Variants in PDE12 observed in about 807,000 individuals in gnomAD.
PDE12 encodes the protein 2',5'-phosphodiesterase 12.
PDE12 carries 26 observed loss-of-function variants against 45.4 expected under a neutral mutation model. The ratio of observed to expected loss-of-function variants is 0.57; its 90% confidence interval spans 0.42 to 0.79. The LOEUF (loss-of-function observed/expected upper bound fraction) is 0.79, where lower values mean the gene tolerates loss of function less well. PDE12 is among the 30% of genes least tolerant of loss of function. The pLI is 0.00. For missense variants in PDE12, 668 were observed against 790.0 expected (o/e 0.85, Z 1.85); for synonymous variants, 283 against 323.9 (o/e 0.87, Z 1.36).
chr3:57,632,306 G>A, the PDE12 span, among the ~76,000 whole-genome samples: 3 of 151,756 alleles, frequency 2.0e-5, no homozygotes, highest in South Asian at 2.1e-4. Flanking sequence ...TTACAGACGT[G>A]AGCCACCACG....
chr3:57,605,440 AT>A, the PDE12 span, among the ~76,000 whole-genome samples: 1 of 152,162 alleles, frequency 6.6e-6, no homozygotes, highest in African/African-American at 2.4e-5. Context: ...AATCAGCCAG[AT>A]TGAAAAAAAC....
chr3:57,617,997 C>G, the PDE12 span, among the ~76,000 whole-genome samples: 1 of 152,106 alleles, frequency 6.6e-6, no homozygotes, highest in South Asian at 2.1e-4. Flanking sequence ...GTGGATGCAG[C>G]TGGAGGCCAT....
At chr3:57,575,480 T>C in the PDE12 span, 1 of 1,454,820 alleles carries the variant, frequency 6.9e-7, no homozygotes. Context: ...AAACTGAATA[T>C]TAGCTTACAC....
chr3:57,582,703 T>G, the PDE12 span, among the ~76,000 whole-genome samples: 1 of 148,196 alleles, frequency 6.7e-6, no homozygotes, highest in Non-Finnish European at 1.5e-5. Flanking sequence ...CAAGATGACA[T>G]TGCAAGTCTT....
At chr3:57,646,255 A>C in the PDE12 span, 1 of 1,552,404 alleles carries the variant, frequency 6.4e-7, no homozygotes, top group African/African-American at 1.4e-5. Flanking sequence ...AATATCACCA[A>C]CAGGTTAAGT....
At chr3:57,638,717 T>C in the PDE12 span, among the ~76,000 whole-genome samples, 48 of 152,020 alleles carry the variant, frequency 3.2e-4, no homozygotes, top group African/African-American at 1.0e-3. Flanking sequence ...AATGGAAAGA[T>C]ACTCAATATC....
At chr3:57,629,929 A>T in the PDE12 span, among the ~76,000 whole-genome samples, 1 of 152,164 alleles carries the variant, frequency 6.6e-6, no homozygotes, top group Admixed American at 6.6e-5. Flanking sequence ...TCTACCCAGT[A>T]ATGTGCTGGT....
At chr3:57,628,448 T>C in the PDE12 span, 6 of 1,431,266 alleles carry the variant, frequency 4.2e-6, no homozygotes, top group Non-Finnish European at 5.5e-6. Context: ...AATTAGATAC[T>C]TTCAGTCTTA....
the PDE12 span, among the ~76,000 whole-genome samples, chr3:57,647,297 C>A: frequency 6.6e-6 from 1 of 152,044 alleles, no homozygotes; most frequent in African/African-American, 2.4e-5. Flanking sequence ...AAGAAACAAA[C>A]AACAACAAAA....
downstream of PDE12, among the ~76,000 whole-genome samples, chr3:57,567,301 G>A (rs549566189): frequency 1.8e-4 from 27 of 150,074 alleles, no homozygotes; most frequent in East Asian, 4.9e-3. Flanking sequence ...GACAGAGCAC[G>A]ACTCCGTGTC....
At chr3:57,580,774 C>CTT in the PDE12 span, among the ~76,000 whole-genome samples, 12 of 140,760 alleles carry the variant, frequency 8.5e-5, no homozygotes, top group East Asian at 4.1e-4. Flanking sequence ...CATTTTTATT[C>CTT]TTTTTTTTTT....
At chr3:57,605,740 G>C in the PDE12 span, among the ~76,000 whole-genome samples, 1 of 152,096 alleles carries the variant, frequency 6.6e-6, no homozygotes, top group Non-Finnish European at 1.5e-5. Flanking sequence ...GAGAGTAATT[G>C]ATCAATTGAA....
chr3:57,597,814 C>G, the PDE12 span: 1 of 152,352 alleles, frequency 6.6e-6, no homozygotes, highest in African/African-American at 2.4e-5. Context: ...ATGCCATGAA[C>G]TTACACGTTT....
chr3:57,646,316 T>C, the PDE12 span: 1 of 1,607,594 alleles, frequency 6.2e-7, no homozygotes. Context: ...ATAGACTCAC[T>C]TAACAAGTGC....
At chr3:57,653,990 C>G in the PDE12 span, among the ~76,000 whole-genome samples, 2 of 141,460 alleles carry the variant, frequency 1.4e-5, no homozygotes, top group Non-Finnish European at 3.1e-5. Context: ...CTCTGTCACC[C>G]AGGCTGGAGT....
chr3:57,592,370 C>T, the PDE12 span, among the ~76,000 whole-genome samples: 9 of 152,096 alleles, frequency 5.9e-5, no homozygotes, highest in Non-Finnish European at 8.8e-5. Flanking sequence ...GGCCTGTAAT[C>T]CCAGCTACTG....
downstream of PDE12, among the ~76,000 whole-genome samples, chr3:57,567,281 T>C (rs547506037): frequency 7.9e-4 from 119 of 150,762 alleles, 1 homozygote; most frequent in African/African-American, 2.4e-3. Context: ...CACTGCACTC[T>C]AGCCTGGGTG....
the PDE12 span, among the ~76,000 whole-genome samples, chr3:57,602,167 C>T: frequency 2.0e-5 from 3 of 152,120 alleles, no homozygotes; most frequent in African/African-American, 7.2e-5. Context: ...ACTTAATGTG[C>T]ATTATCCCAT....
chr3:57,606,008 G>C, the PDE12 span, among the ~76,000 whole-genome samples: 1 of 152,136 alleles, frequency 6.6e-6, no homozygotes, highest in African/African-American at 2.4e-5. Context: ...ATAGCCTCAA[G>C]TAGCCTAATA....
Sources: gnomAD v4.1 joint callset for allele counts (sites outside exome capture counted in the v4.1 genomes callset) on GRCh38, gnomAD v4.1.1 for gene constraint, MANE v1.5 for transcripts, NCBI Gene and HGNC (gene_info 2026-07-23, HGNC 2026-07-21) for gene names.